DLC1: variants seen among roughly 807,000 people sequenced by gnomAD.
The protein encoded by DLC1 is DLC1 Rho GTPase activating protein, also known as rho GTPase-activating protein 7.
Under a neutral mutation model 140.3 loss-of-function variants are expected in DLC1, and 54 were observed. The observed-to-expected ratio is 0.38, with a 90% CI of 0.31 to 0.48. The LOEUF (loss-of-function observed/expected upper bound fraction) is 0.48, where lower values mean the gene tolerates loss of function less well. DLC1 is among the 20% of genes least tolerant of loss of function. The pLI is 0.96. For synonymous variants in DLC1, 986 were observed against 728.1 expected (o/e 1.35, Z -5.70); for missense variants, 2,536 against 1,907.0 (o/e 1.33, Z -6.14).
At chr8:13,327,040 C>T (rs113212160) in intron 4 of DLC1, among the ~76,000 whole-genome samples, 16,926 of 151,624 alleles carry the variant, frequency 0.11, 1,414 homozygotes, top group East Asian at 0.39. Context: ...CTGCAAGCTC[C>T]GCCTCCCAGG....
At position 13,342,921 on chromosome 8, in the gene DLC1, T is replaced by A. The variant is rs1258190621; in HGVS notation, c.1315-37619A>T. ...AGAATCCTAATACAACATACATCAA[T>A]GACAAGACGAATTAGCTGCAGTTGT... is the stretch of plus-strand genomic sequence containing the variant. On this transcript the variant is annotated intron_variant, in intron 4 of 17. Transcript: ENST00000276297. 2.6e-5 allele frequency among the ~76,000 whole-genome samples: 4 copies of A among 152,046 alleles called. No individual in the cohort carries two copies. The South Asian group carries it at 8.3e-4, about 32-fold the overall frequency.
intron 10 of DLC1, among the ~76,000 whole-genome samples, 169 bp downstream of exon 10, chr8:13,098,230 A>AAAAC (rs896344841): frequency 9.2e-5 from 14 of 152,120 alleles, no homozygotes; most frequent in East Asian, 1.9e-4. Flanking sequence ...ACCCTGTCTC[A>AAAAC]AAACAAACAA....
intron 5 of DLC1, among the ~76,000 whole-genome samples, chr8:13,117,792 T>C (rs1820691966): frequency 6.6e-6 from 1 of 152,246 alleles, no homozygotes; most frequent in Admixed American, 6.5e-5. Flanking sequence ...AAAGCCTTAA[T>C]TAGATACCAA....
At chr8:13,152,320 C>G (rs1257250971) in intron 5 of DLC1, among the ~76,000 whole-genome samples, 1 of 152,166 alleles carries the variant, frequency 6.6e-6, no homozygotes, top group East Asian at 1.9e-4. Context: ...ACAAATCATT[C>G]TTTTTGGTTC....
At chr8:13,343,108 C>T (rs1052238506) in intron 4 of DLC1, among the ~76,000 whole-genome samples, 2 of 152,122 alleles carry the variant, frequency 1.3e-5, no homozygotes, top group Non-Finnish European at 2.9e-5. Context: ...TTTTGTGAAA[C>T]AGGCGCACTT....
intron 4 of DLC1, among the ~76,000 whole-genome samples, chr8:13,325,951 G>A (rs989988801): frequency 6.6e-6 from 1 of 152,150 alleles, no homozygotes; most frequent in Non-Finnish European, 1.5e-5. Flanking sequence ...ATAGAAACCG[G>A]ATGTATGACA....
Position 13,589,113 on chromosome 8 carries a change from G to C in DLC1, c.-126+15424C>G, listed in dbSNP as rs139469214. Among the ~76,000 whole-genome samples the C allele has an allele frequency of 1.8e-3, 271 of 152,080 alleles. 1 individual carries two copies. The highest frequency in any genetic ancestry group is 6.3e-3 in the African/African-American group (260 of 41,520). ...GCCAGTTCTTGCCAAGTTTTTCTTT[G>C]TATTTTAACCACACGATCCATATTC... On this transcript the variant is annotated intron_variant, in intron 1 of 1. Coordinates refer to the DLC1 transcript ENST00000631382.
intron 4 of DLC1, among the ~76,000 whole-genome samples, chr8:13,376,524 G>T (rs1225075737): frequency 1.3e-5 from 2 of 152,146 alleles, no homozygotes; most frequent in Admixed American, 6.6e-5. Flanking sequence ...TTAAATATGG[G>T]AAAGGCAATA....
At chr8:13,188,843 A>ATTTT (rs869162448) in intron 5 of DLC1, among the ~76,000 whole-genome samples, 25 of 30,626 alleles carry the variant, frequency 8.2e-4, no homozygotes, top group African/African-American at 2.0e-3. Context: ...ATATATATAT[A>ATTTT]TTTTTTTTTT....
chr8:13,489,583 G>GA (rs33974466), intron 2 of DLC1, among the ~76,000 whole-genome samples: 5,502 of 149,750 alleles, frequency 0.037, 300 homozygotes, highest in African/African-American at 0.12. Flanking sequence ...TTATACAAAT[G>GA]AAAAAAAAAA....
intron 1 of DLC1, among the ~76,000 whole-genome samples, chr8:13,503,263 G>A (rs1416821835): frequency 6.6e-6 from 1 of 152,096 alleles, no homozygotes; most frequent in African/African-American, 2.4e-5. Flanking sequence ...AATTAGCCAG[G>A]AGTGGTGGCG....
At chr8:13,544,152 TTC>T (rs968963887) in intron 1 of DLC1, among the ~76,000 whole-genome samples, 14 of 151,272 alleles carry the variant, frequency 9.3e-5, no homozygotes, top group African/African-American at 3.2e-4. Context: ...AAAATAATTT[TTC>T]TCTCTCTCTC....
chr8:13,229,425 A>G (rs1055817266), intron 5 of DLC1, among the ~76,000 whole-genome samples: 16 of 152,048 alleles, frequency 1.1e-4, no homozygotes, highest in Non-Finnish European at 2.1e-4. Context: ...GGTGCTTAGG[A>G]CTCAGTTGGG....
chr8:13,284,590 A>C (rs897708364), intron 5 of DLC1, among the ~76,000 whole-genome samples: 3 of 145,772 alleles, frequency 2.1e-5, no homozygotes, highest in Non-Finnish European at 3.0e-5. Context: ...TTAAAAACCA[A>C]CAAACAGTTT....
At chr8:13,266,373 C>T (rs562438270) in intron 5 of DLC1, among the ~76,000 whole-genome samples, 1 of 152,126 alleles carries the variant, frequency 6.6e-6, no homozygotes, top group Non-Finnish European at 1.5e-5. Flanking sequence ...TTGGTAGCCC[C>T]AACATAAAGA....
At chr8:13,320,567 A>G (rs1226214615) in intron 4 of DLC1, among the ~76,000 whole-genome samples, 1 of 152,104 alleles carries the variant, frequency 6.6e-6, no homozygotes, top group Non-Finnish European at 1.5e-5. Flanking sequence ...TCCCCTCCAA[A>G]TCTCATGTGG....
At chr8:13,185,122 CTTT>C (rs1193667992) in intron 5 of DLC1, among the ~76,000 whole-genome samples, 4 of 84,556 alleles carry the variant, frequency 4.7e-5, no homozygotes, top group Non-Finnish European at 6.9e-5. Context: ...GCAACCCCTG[CTTT>C]TTTTTTTTTT....
At chr8:13,417,223 T>C (rs1489087392) in intron 2 of DLC1, among the ~76,000 whole-genome samples, 2 of 152,196 alleles carry the variant, frequency 1.3e-5, no homozygotes, top group African/African-American at 2.4e-5. Flanking sequence ...ATTATTATTA[T>C]TATACTTTAA....
chr8:13,096,037 C>T (rs1818473745), intron 10 of DLC1: 1 of 152,336 alleles, frequency 6.6e-6, no homozygotes, highest in South Asian at 2.1e-4. Context: ...TATGCAACAG[C>T]AGGAAACCCA....
Sources: allele counts gnomAD v4.1 joint callset (sites outside exome capture counted in the v4.1 genomes callset), GRCh38; gene constraint gnomAD v4.1.1; transcripts MANE v1.5; gene names NCBI Gene and HGNC (gene_info 2026-07-23, HGNC 2026-07-21).